ALK: variants seen among roughly 807,000 people sequenced by gnomAD.
ALK encodes the protein ALK receptor tyrosine kinase.
In ALK, 74 loss-of-function variants were observed where a neutral mutation model predicts 163.1. The observed-to-expected ratio is 0.45, with a 90% confidence interval of 0.38 to 0.55. ALK has a LOEUF of 0.55. ALK is among the 20% of genes least tolerant of loss of function. The probability of loss-of-function intolerance (pLI) is 0.00; values close to 1 mark genes in which losing one functional copy is unlikely to be tolerated. For missense variants in ALK, 2,063 were observed against 2,105.3 expected (o/e 0.98, Z 0.39); for synonymous variants, 960 against 843.2 (o/e 1.14, Z -2.40).
At chr2:29,599,003 T>C (rs2148212978) in intron 3 of ALK, among the ~76,000 whole-genome samples, 1 of 152,256 alleles carries the variant, frequency 6.6e-6, no homozygotes. Flanking sequence ...AAAATTTTTT[T>C]CCTCTACTTT....
In ALK at chr2:29,318,433, C is replaced by T. The variant is rs144545604; in HGVS notation, c.1547-29G>A. On this transcript the variant is annotated intron_variant, in intron 7 of 28. Transcript: ENST00000389048. ...GGAGAGAGGAAAAGAATCACAAGCA[C>T]GCCATTATCAGGAACTGGGGGACCA... 0.019 allele frequency: 28,355 copies of T among 1,525,636 alleles called. 340 individuals are homozygous for T. The highest frequency in any genetic ancestry group is 0.022 in the Non-Finnish European group (23,693 of 1,099,412). 94.5% of individuals were successfully genotyped at this position (1,525,636 alleles called of 1,614,324 possible).
intron 8 of ALK, among the ~76,000 whole-genome samples, chr2:29,310,231 A>G (rs770675654): frequency 2.2e-4 from 33 of 152,190 alleles, no homozygotes; most frequent in Non-Finnish European, 7.4e-5. Flanking sequence ...CTCTGCCTCT[A>G]GCAGGGTGAC....
intron 3 of ALK, among the ~76,000 whole-genome samples, chr2:29,672,029 G>C (rs2148271073): frequency 6.7e-6 from 1 of 149,284 alleles, no homozygotes; most frequent in East Asian, 2.0e-4. Flanking sequence ...ATAATAGTTT[G>C]GTATACATGC....
chr2:29,895,520 T>C (rs4520995), intron 1 of ALK, among the ~76,000 whole-genome samples: 114,036 of 152,166 alleles, frequency 0.75, 42,851 homozygotes, highest in East Asian at 0.78. Flanking sequence ...CTGGCTATAC[T>C]ATGGTCCAGC....
intron 3 of ALK, among the ~76,000 whole-genome samples, chr2:29,621,184 A>G (rs987875178): frequency 6.6e-6 from 1 of 152,010 alleles, no homozygotes; most frequent in African/African-American, 2.4e-5. Flanking sequence ...GTTTGAGCTG[A>G]TATTTAAGAT....
intron 5 of ALK, among the ~76,000 whole-genome samples, chr2:29,362,708 CCTT>C (rs1668413884): frequency 6.6e-6 from 1 of 152,152 alleles, no homozygotes; most frequent in African/African-American, 2.4e-5. Context: ...TATTGTAGTC[CCTT>C]CTTTATCTGT....
chr2:29,649,982 C>G (rs1309830952), intron 3 of ALK, among the ~76,000 whole-genome samples: 5 of 151,952 alleles, frequency 3.3e-5, no homozygotes, highest in Admixed American at 6.6e-5. Context: ...GGACAGAGAC[C>G]CTTTGGGAAT....
intron 1 of ALK, among the ~76,000 whole-genome samples, chr2:29,798,707 A>G (rs1302610408): frequency 6.6e-6 from 1 of 152,222 alleles, no homozygotes; most frequent in Non-Finnish European, 1.5e-5. Context: ...ATAATAACCC[A>G]AAGAACTTTT....
intron 3 of ALK, among the ~76,000 whole-genome samples, chr2:29,620,032 C>T (rs1005826440): frequency 1.2e-4 from 18 of 152,222 alleles, no homozygotes; most frequent in Middle Eastern, 6.3e-3. Flanking sequence ...CTCCAGTAGA[C>T]GTTCCAGCCT....
intron 1 of ALK, among the ~76,000 whole-genome samples, chr2:29,732,079 G>A (rs972194758): frequency 2.0e-5 from 3 of 152,214 alleles, no homozygotes; most frequent in Non-Finnish European, 4.4e-5. Context: ...GAATATTGCT[G>A]TAACATATCA....
intron 26 of ALK, among the ~76,000 whole-genome samples, chr2:29,200,113 T>C (rs1246686580): frequency 2.7e-5 from 4 of 149,326 alleles, no homozygotes; most frequent in Admixed American, 2.0e-4. Context: ...ACATATATTA[T>C]TCCTTTCTGT....
At chr2:29,287,537 A>G (rs1019679441) in intron 9 of ALK, among the ~76,000 whole-genome samples, 5 of 152,222 alleles carry the variant, frequency 3.3e-5, no homozygotes, top group Non-Finnish European at 5.9e-5. Flanking sequence ...TAACCCTGAA[A>G]AAAAATCCCA....
intron 3 of ALK, among the ~76,000 whole-genome samples, chr2:29,577,144 C>T (rs1311744978): frequency 6.6e-6 from 1 of 152,030 alleles, no homozygotes; most frequent in Non-Finnish European, 1.5e-5. Flanking sequence ...TGCATGGCAC[C>T]CGCCTCGGGA....
At chr2:29,363,080 C>T (rs1484585108) in intron 5 of ALK, among the ~76,000 whole-genome samples, 1 of 152,178 alleles carries the variant, frequency 6.6e-6, no homozygotes, top group African/African-American at 2.4e-5. Flanking sequence ...CTTCCCTTCC[C>T]TTTGTACTTG....
Position 29,778,471 on chromosome 2 carries a change from T to G in ALK, c.668-60774A>C, listed in dbSNP as rs114235899. Among the ~76,000 whole-genome samples the G allele has an allele frequency of 3.4e-3, 517 of 152,300 alleles. 2 individuals are homozygous for G. The highest frequency in any genetic ancestry group is 0.012 in the African/African-American group (494 of 41,574). ...ACAGAGCAGGAGGTGGAGTTCTGTG[T>G]GCATTCCTAGATGGTTCAGGTTGGC... On this transcript the variant is annotated intron_variant, in intron 1 of 28. Coordinates refer to ENST00000389048, the MANE Select transcript of ALK (RefSeq NM_004304.5).
At chr2:29,472,522 G>A (rs62131819) in intron 4 of ALK, among the ~76,000 whole-genome samples, 39,598 of 152,036 alleles carry the variant, frequency 0.26, 6,029 homozygotes, top group Non-Finnish European at 0.35. Flanking sequence ...TTTGAATTAA[G>A]GAAGAAGACA....
At chr2:29,808,371 C>T (rs529988147) in intron 1 of ALK, among the ~76,000 whole-genome samples, 2 of 152,270 alleles carry the variant, frequency 1.3e-5, no homozygotes, top group East Asian at 3.9e-4. Context: ...AGAGAAGCCA[C>T]GTGACTTCTC....
chr2:29,230,481 C>G (rs1229801928), intron 15 of ALK, among the ~76,000 whole-genome samples: 1 of 152,152 alleles, frequency 6.6e-6, no homozygotes, highest in Non-Finnish European at 1.5e-5. Context: ...TGCCGGAACC[C>G]TACGGGTGAA....
Position 29,883,539 on chromosome 2 carries a change from T to C in ALK, c.667+36454A>G, listed in dbSNP as rs911197490. Among the ~76,000 whole-genome samples, 6 of 152,186 alleles carry C rather than the reference T, an allele frequency of 3.9e-5. No individual in the cohort carries two copies. In the East Asian group the frequency reaches 1.2e-3, roughly 29 times the overall value. Reference sequence around the variant, plus strand: ...ACCACTGTATCTCCCCAACTGTGTCTAGCATAACACCAGGCTCACAGGGGC... The same window carrying C: ...ACCACTGTATCTCCCCAACTGTGTCCAGCATAACACCAGGCTCACAGGGGC... On this transcript the variant is annotated intron_variant, in intron 1 of 28. Coordinates refer to ENST00000389048, the MANE Select transcript of ALK (RefSeq NM_004304.5).
Sources: gnomAD v4.1 joint callset for allele counts (sites outside exome capture counted in the v4.1 genomes callset) on GRCh38, gnomAD v4.1.1 for gene constraint, MANE v1.5 for transcripts, NCBI Gene and HGNC (gene_info 2026-07-23, HGNC 2026-07-21) for gene names.